Variants in NHSL2 observed in about 807,000 individuals in gnomAD.
NHSL2 encodes NHS like 2.
A neutral mutation model predicts 53.4 loss-of-function variants in NHSL2; 27 were observed. That is an observed-to-expected ratio of 0.51 (90% confidence interval 0.37 to 0.70). The LOEUF (loss-of-function observed/expected upper bound fraction) is 0.70, where lower values mean the gene tolerates loss of function less well. Ranked by LOEUF, NHSL2 falls within the 30% of genes least tolerant of loss-of-function variation. NHSL2 has a pLI of 0.00. For synonymous variants in NHSL2, 408 were observed against 404.1 expected (o/e 1.01, Z -0.12); for missense variants, 892 against 980.1 (o/e 0.91, Z 1.20).
At chrX:71,914,645 A>G (rs2041619719) in intron 1 of NHSL2, among the ~76,000 whole-genome samples, 1 of 112,185 alleles carries the variant, frequency 8.9e-6, no homozygotes, top group Non-Finnish European at 1.9e-5. Context: ...TTCCAACTTT[A>G]TGGCAACTCT....
chrX:72,082,686 C>G, intron 1 of NHSL2, among the ~76,000 whole-genome samples: 1 of 112,486 alleles, frequency 8.9e-6, no homozygotes. Context: ...TGGCACTGCC[C>G]TTTGGAGCAG....
At chrX:72,049,929 C>T (rs772351270) in intron 1 of NHSL2, among the ~76,000 whole-genome samples, 1 of 102,679 alleles carries the variant, frequency 9.7e-6, no homozygotes, top group East Asian at 3.0e-4. Flanking sequence ...CACAACAATT[C>T]ACAAAACAAG....
chrX:71,987,870 T>C (rs1178414667), intron 1 of NHSL2, among the ~76,000 whole-genome samples: 4 of 112,286 alleles, frequency 3.6e-5, no homozygotes, highest in Non-Finnish European at 7.5e-5. Context: ...CCATTTCTCT[T>C]CCTAGAAGGA....
rs181660188 is a variant in NHSL2, at chrX:71,927,886, G to A, written c.280+16519G>A. Among the ~76,000 whole-genome samples, 145 of 111,771 alleles carry A rather than the reference G, an allele frequency of 1.3e-3. 1 individual carries two copies. Among genetic ancestry groups the A allele is most frequent in the Admixed American group, 1.4e-3 (15 of 10,567 alleles). Reference sequence around the variant, plus strand: ...ACTACTTGCTTTCTTTATGACCCTGGACAAGTAGCCTGACATCTCTTTCCA... The same window carrying A: ...ACTACTTGCTTTCTTTATGACCCTGAACAAGTAGCCTGACATCTCTTTCCA... On this transcript the variant is annotated intron_variant, in intron 1 of 7. Coordinates refer to ENST00000633930, the MANE Select transcript of NHSL2 (RefSeq NM_001013627.3).
chrX:71,934,586 G>A (rs1360553018), intron 1 of NHSL2, among the ~76,000 whole-genome samples: 1 of 111,683 alleles, frequency 9.0e-6, no homozygotes, highest in African/African-American at 3.3e-5. Context: ...CTGACTTAAC[G>A]TTTTTAAAAG....
chrX:72,015,019 G>T (rs1217845424), intron 1 of NHSL2, among the ~76,000 whole-genome samples: 3 of 110,957 alleles, frequency 2.7e-5, no homozygotes, highest in South Asian at 3.8e-4. Context: ...TTTGGCTAAA[G>T]AATTAGTGTA....
chrX:72,090,047 CTGTT>C (rs1276906963), intron 1 of NHSL2, among the ~76,000 whole-genome samples: 15 of 110,469 alleles, frequency 1.4e-4, no homozygotes, highest in African/African-American at 4.3e-4. Context: ...GTCGTTGTTG[CTGTT>C]TGTTTGTTTG....
chrX:72,022,290 G>C (rs1337931065), intron 1 of NHSL2, among the ~76,000 whole-genome samples: 2 of 112,390 alleles, frequency 1.8e-5, no homozygotes, highest in Non-Finnish European at 3.8e-5. Context: ...ATACCCCATG[G>C]CTTGAAGAAC....
At chrX:72,142,183 G>T in intron 6 of NHSL2, 49 bp from the exon 7 acceptor site, 1 of 1,063,604 alleles carries the variant, frequency 9.4e-7, no homozygotes, top group Non-Finnish European at 1.3e-6. Flanking sequence ...AATGTGCTTT[G>T]TCCTATCTAC....
chrX:72,138,526 T>C lies in NHSL2; in HGVS notation c.978T>C (p.His326=), dbSNP rs771177726. 1 of 1,166,629 alleles carries C rather than the reference T, an allele frequency of 8.6e-7. No individual in the cohort carries two copies. The highest frequency in any genetic ancestry group is 1.9e-5 in the South Asian group (1 of 52,679). The change falls in exon 6 of 8, where the codon CAT becomes CAC. Residue 326 remains histidine, a synonymous_variant. Transcript: ENST00000633930. The part of the protein sequence containing the change: ...RPSHSVPEGV[H]GRVAVGQDAR... ...GTCACTCAGTTCCAGAAGGGGTTCA[T>C]GGAAGAGTTGCAGTTGGTCAGGATG...
chrX:71,972,578 C>T, intron 1 of NHSL2, among the ~76,000 whole-genome samples: 1 of 112,204 alleles, frequency 8.9e-6, no homozygotes, highest in Non-Finnish European at 1.9e-5. Context: ...ATTTCAGCAA[C>T]TGTGATACAT....
Position 72,139,993 on chromosome X carries a change from C to T in NHSL2, c.2445C>T (p.Pro815=). The T allele has an allele frequency of 8.3e-7, 1 of 1,210,217 alleles. No individual in the cohort carries two copies. ...TCAAGCTGGCCCAGAAAACTAATCC[C>T]AACCAGCCAATCATGCCTATGGTTA... is the stretch of plus-strand genomic sequence containing the variant. ...FGVKLAQKTN[P]NQPIMPMVTQ... The change falls in exon 6 of 8, where the codon CCC becomes CCT. Residue 815 remains proline, a synonymous_variant. Transcript: ENST00000633930.
rs1307334283 is a variant in NHSL2, at chrX:72,134,299, G to T, written c.564+81G>T. 6 of 1,037,178 alleles carry T rather than the reference G, an allele frequency of 5.8e-6. No homozygotes were observed. In the East Asian group the frequency reaches 1.7e-4, roughly 29 times the overall value. 85.5% of individuals were successfully genotyped at this position (1,037,178 alleles called of 1,213,427 possible). On this transcript the variant is annotated intron_variant, in intron 3 of 7. Coordinates refer to ENST00000633930, the MANE Select transcript of NHSL2 (RefSeq NM_001013627.3). ...CCTCCAGCTGCTTACTTTACCCACT[G>T]GAAGCTGCTCAGCCCTGCTCACCAG...
chrX:72,149,980 T>C lies in NHSL2; in HGVS notation c.*6406T>C, dbSNP rs899640046. ...TCTCCTGCCCTTGGGCCCAATCTGG[T>C]TTCATTTAAAGCACTACAATTTATA... On this transcript the variant is annotated 3_prime_UTR_variant, in exon 8 of 8. Transcript: ENST00000633930. 1 of 112,520 alleles carries C rather than the reference T, an allele frequency of 8.9e-6. No homozygotes were observed. Among genetic ancestry groups the C allele is most frequent in the Admixed American group, 9.4e-5 (1 of 10,621 alleles). 9.3% of individuals were successfully genotyped at this position (112,520 alleles called of 1,213,427 possible).
At chrX:72,134,966 C>G (rs1035086498) in intron 4 of NHSL2, among the ~76,000 whole-genome samples, 1 of 112,688 alleles carries the variant, frequency 8.9e-6, no homozygotes, top group South Asian at 3.6e-4. Flanking sequence ...ACAGAAAGCT[C>G]CAAAGCCTTA....
chrX:71,998,018 G>A, intron 1 of NHSL2, among the ~76,000 whole-genome samples: 1 of 112,134 alleles, frequency 8.9e-6, no homozygotes, highest in Non-Finnish European at 1.9e-5. Context: ...TCTAAGTCAA[G>A]GTACTGAAGG....
chrX:72,062,768 A>C (rs979912996), intron 1 of NHSL2, among the ~76,000 whole-genome samples: 2 of 112,647 alleles, frequency 1.8e-5, no homozygotes, highest in African/African-American at 6.5e-5. Context: ...ACTGAGGCCT[A>C]GGAGCCCCCT....
rs753988495 is a variant in NHSL2, at chrX:72,140,082, T to C, written c.2534T>C (p.Ile845Thr). Reference protein sequence around the residue: ...SVSKSEPEDDIESPEYAEEPR... With the variant: ...SVSKSEPEDDTESPEYAEEPR... ...AGCAAGTCTGAGCCGGAAGATGATA[T>C]TGAGAGCCCTGAGTATGCCGAGGAA... Residue 845 changes from isoleucine to threonine, a missense_variant, in exon 6 of 8, where the codon ATT becomes ACT. Transcript: ENST00000633930. 8 of 1,207,656 alleles carry C rather than the reference T, an allele frequency of 6.6e-6. No homozygotes were observed. In the South Asian group the frequency reaches 8.9e-5, roughly 13 times the overall value.
chrX:72,057,946 T>C (rs1279864209), intron 1 of NHSL2, among the ~76,000 whole-genome samples: 1 of 112,479 alleles, frequency 8.9e-6, no homozygotes, highest in Non-Finnish European at 1.9e-5. Context: ...ATGGCAATTT[T>C]TATTAAATCT....
Sources: gnomAD v4.1 joint callset for allele counts (sites outside exome capture counted in the v4.1 genomes callset) on GRCh38, gnomAD v4.1.1 for gene constraint, MANE v1.5 for transcripts, NCBI Gene and HGNC (gene_info 2026-07-23, HGNC 2026-07-21) for gene names.